VPS13B: variants seen among roughly 807,000 people sequenced by gnomAD.
VPS13B encodes vacuolar protein sorting 13 homolog B.
Under a neutral mutation model 426.4 loss-of-function variants are expected in VPS13B, and 285 were observed. The observed-to-expected ratio is 0.67, with a 90% CI of 0.61 to 0.74. The LOEUF is 0.74. Ranked by LOEUF, VPS13B falls within the 30% of genes least tolerant of loss-of-function variation. The pLI is 0.00. For synonymous variants in VPS13B, 1,676 were observed against 1,676.4 expected (o/e 1.00, Z 0.01); for missense variants, 4,537 against 4,782.6 (o/e 0.95, Z 1.51).
At chr8:99,541,159 T>C (rs970720523) in intron 30 of VPS13B, among the ~76,000 whole-genome samples, 2 of 152,168 alleles carry the variant, frequency 1.3e-5, no homozygotes, top group Non-Finnish European at 2.9e-5. Context: ...CCAAAGAATA[T>C]TGTTTTCTGG....
intron 16 of VPS13B, 101 bp downstream of exon 16, chr8:99,170,264 C>T: frequency 7.1e-7 from 1 of 1,415,550 alleles, no homozygotes; most frequent in Non-Finnish European, 9.6e-7. Context: ...TAGTTTTATA[C>T]AAAACTTTAG....
chr8:99,059,451 C>G (rs1267897217), intron 3 of VPS13B, among the ~76,000 whole-genome samples: 1 of 151,826 alleles, frequency 6.6e-6, no homozygotes, highest in Non-Finnish European at 1.5e-5. Context: ...GCTGGGATTA[C>G]AGGCATGAGC....
At chr8:99,279,221 G>GT (rs1819046237) in intron 19 of VPS13B, among the ~76,000 whole-genome samples, 1 of 152,112 alleles carries the variant, frequency 6.6e-6, no homozygotes, top group East Asian at 1.9e-4. Flanking sequence ...CTGGGTGACA[G>GT]AACGCAACCC....
intron 31 of VPS13B, among the ~76,000 whole-genome samples, chr8:99,569,473 G>A (rs1040611848): frequency 4.1e-4 from 62 of 151,340 alleles, no homozygotes; most frequent in African/African-American, 1.5e-3. Context: ...AAAAAGAATT[G>A]CTCTGTGCAC....
At chr8:99,766,316 T>C (rs1811223718) in intron 39 of VPS13B, among the ~76,000 whole-genome samples, 1 of 152,264 alleles carries the variant, frequency 6.6e-6, no homozygotes, top group East Asian at 1.9e-4. Flanking sequence ...ACTCCTGACC[T>C]CAGGTGATCT....
At chr8:99,374,666 T>G (rs1813382827) in intron 19 of VPS13B, among the ~76,000 whole-genome samples, 1 of 152,212 alleles carries the variant, frequency 6.6e-6, no homozygotes. Flanking sequence ...AATACATGCC[T>G]CTTCTTTTGT....
At chr8:99,627,461 G>A (rs1353719305) in intron 33 of VPS13B, among the ~76,000 whole-genome samples, 1 of 151,876 alleles carries the variant, frequency 6.6e-6, no homozygotes, top group Non-Finnish European at 1.5e-5. Flanking sequence ...TGTCTCCCAG[G>A]CTAGAGGGCA....
At chr8:99,022,246 T>C (rs1188613263) in intron 2 of VPS13B, among the ~76,000 whole-genome samples, 1 of 151,726 alleles carries the variant, frequency 6.6e-6, no homozygotes, top group African/African-American at 2.4e-5. Context: ...CTCAAATATA[T>C]ATATATAATG....
intron 19 of VPS13B, among the ~76,000 whole-genome samples, chr8:99,375,396 G>A (rs757852746): frequency 1.8e-4 from 27 of 152,254 alleles, no homozygotes; most frequent in Middle Eastern, 3.4e-3. Flanking sequence ...TACATGGCTC[G>A]TTGTTGCTAC....
intron 31 of VPS13B, among the ~76,000 whole-genome samples, chr8:99,570,245 C>G (rs760386563): frequency 1.3e-5 from 2 of 152,112 alleles, no homozygotes; most frequent in African/African-American, 4.8e-5. Flanking sequence ...TTCATCATTT[C>G]TGGGAAAATC....
chr8:99,841,802 G>C (rs765134737), intron 54 of VPS13B, among the ~76,000 whole-genome samples: 1 of 152,114 alleles, frequency 6.6e-6, no homozygotes, highest in Non-Finnish European at 1.5e-5. Context: ...TCAGGCCTTT[G>C]GTTCATCATC....
At chr8:99,329,895 T>A (rs890161970) in intron 19 of VPS13B, among the ~76,000 whole-genome samples, 1 of 152,032 alleles carries the variant, frequency 6.6e-6, no homozygotes, top group Non-Finnish European at 1.5e-5. Context: ...GGCCACATAA[T>A]TCTGTCTCAT....
At chr8:99,855,173 C>T (rs537991715) in intron 56 of VPS13B, among the ~76,000 whole-genome samples, 10 of 152,094 alleles carry the variant, frequency 6.6e-5, no homozygotes, top group African/African-American at 2.4e-4. Flanking sequence ...CACGGGAGTT[C>T]AAGACCAGCT....
At chr8:99,512,030 G>A (rs1203184797) in intron 29 of VPS13B, among the ~76,000 whole-genome samples, 6 of 152,096 alleles carry the variant, frequency 3.9e-5, no homozygotes, top group Non-Finnish European at 8.8e-5. Flanking sequence ...CAGCTTCTTA[G>A]CATATCATTT....
chr8:99,855,687 T>C (rs1206093389), intron 56 of VPS13B, among the ~76,000 whole-genome samples: 3 of 152,216 alleles, frequency 2.0e-5, no homozygotes, highest in African/African-American at 7.2e-5. Flanking sequence ...AAACGACCTG[T>C]GTTATTGCCA....
intron 34 of VPS13B, among the ~76,000 whole-genome samples, chr8:99,659,105 G>A (rs1385370788): frequency 6.6e-6 from 1 of 152,128 alleles, no homozygotes. Flanking sequence ...AAAGTGCTAG[G>A]ATTGCAGACC....
At chr8:99,528,911 TTC>T (rs1363716358) in intron 30 of VPS13B, among the ~76,000 whole-genome samples, 1 of 152,078 alleles carries the variant, frequency 6.6e-6, no homozygotes, top group Non-Finnish European at 1.5e-5. Flanking sequence ...TTTTTGCAAA[TTC>T]TGTTTATATC....
intron 3 of VPS13B, among the ~76,000 whole-genome samples, chr8:99,042,445 T>C (rs924758056): frequency 1.3e-5 from 2 of 152,206 alleles, no homozygotes; most frequent in Admixed American, 1.3e-4. Context: ...TATGGCTCTT[T>C]AAGATTACAA....
At chr8:99,654,280 C>G (rs926580381) in intron 34 of VPS13B, among the ~76,000 whole-genome samples, 1 of 151,380 alleles carries the variant, frequency 6.6e-6, no homozygotes, top group African/African-American at 2.4e-5. Flanking sequence ...GATCTCCTGA[C>G]CTTGTGATCC....
Sources: allele counts gnomAD v4.1 joint callset (sites outside exome capture counted in the v4.1 genomes callset), GRCh38; gene constraint gnomAD v4.1.1; transcripts MANE v1.5; gene names NCBI Gene and HGNC (gene_info 2026-07-23, HGNC 2026-07-21).